EXT1: variants seen among roughly 807,000 people sequenced by gnomAD.
The protein encoded by EXT1 is exostosin-1.
EXT1 carries 20 observed loss-of-function variants against 82.5 expected under a neutral mutation model. The observed-to-expected ratio is 0.24, with a 90% CI of 0.17 to 0.35. The LOEUF is 0.35. EXT1 is among the 10% of genes least tolerant of loss of function. The probability of loss-of-function intolerance (pLI) is 1.00; values close to 1 mark genes in which losing one functional copy is unlikely to be tolerated. For synonymous variants in EXT1, 348 were observed against 350.8 expected (o/e 0.99, Z 0.09); for missense variants, 757 against 936.5 (o/e 0.81, Z 2.50).
At chr8:118,039,230 T>C (rs1369700196) in intron 1 of EXT1, among the ~76,000 whole-genome samples, 1 of 152,104 alleles carries the variant, frequency 6.6e-6, no homozygotes, top group East Asian at 1.9e-4. Context: ...TATTTGCTGA[T>C]TCTTTCTTTT....
At chr8:117,800,678 G>A (rs906718945) in intron 10 of EXT1, among the ~76,000 whole-genome samples, 7 of 152,024 alleles carry the variant, frequency 4.6e-5, no homozygotes, top group Non-Finnish European at 7.4e-5. Context: ...AACCCCCAAA[G>A]GTTACTTTTT....
chr8:117,896,424 A>C (rs1351544815), intron 1 of EXT1, among the ~76,000 whole-genome samples: 3 of 152,216 alleles, frequency 2.0e-5, no homozygotes, highest in South Asian at 4.1e-4. Flanking sequence ...AGCAAAAAAC[A>C]ATGAAGATAA....
chr8:117,813,541 G>A (rs1014046707), intron 7 of EXT1, among the ~76,000 whole-genome samples: 1 of 152,136 alleles, frequency 6.6e-6, no homozygotes, highest in African/African-American at 2.4e-5. Flanking sequence ...CACGGGGAGA[G>A]CAGATCACTG....
intron 1 of EXT1, among the ~76,000 whole-genome samples, chr8:118,075,158 C>G (rs1817183604): frequency 6.6e-6 from 1 of 152,234 alleles, no homozygotes; most frequent in Admixed American, 6.5e-5. Context: ...GCTCTGATTT[C>G]CAGGAGCACC....
At chr8:117,884,866 A>T (rs1334416575) in intron 1 of EXT1, among the ~76,000 whole-genome samples, 1 of 152,240 alleles carries the variant, frequency 6.6e-6, no homozygotes, top group Non-Finnish European at 1.5e-5. Context: ...CTGTAGCAGC[A>T]ACCTGGCTCA....
At chr8:117,957,974 C>A (rs973708235) in intron 1 of EXT1, among the ~76,000 whole-genome samples, 1 of 152,120 alleles carries the variant, frequency 6.6e-6, no homozygotes, top group Non-Finnish European at 1.5e-5. Context: ...CCAACTCAAA[C>A]AATCAGCTCA....
At chr8:117,932,360 G>A (rs17479782) in intron 1 of EXT1, among the ~76,000 whole-genome samples, 3 of 152,236 alleles carry the variant, frequency 2.0e-5, no homozygotes, top group African/African-American at 7.2e-5. Context: ...AATCTGAAAA[G>A]ATATTTTGTT....
chr8:118,060,940 T>C (rs540573624), intron 1 of EXT1, among the ~76,000 whole-genome samples: 7 of 152,216 alleles, frequency 4.6e-5, no homozygotes, highest in Non-Finnish European at 1.0e-4. Flanking sequence ...CATCATGAGA[T>C]GGTGAAACCA....
chr8:117,894,494 A>G (rs1813301841), intron 1 of EXT1, among the ~76,000 whole-genome samples: 1 of 152,218 alleles, frequency 6.6e-6, no homozygotes, highest in African/African-American at 2.4e-5. Context: ...GAATCAGTCC[A>G]AAGAGAAAAC....
At chr8:118,104,383 T>C (rs1817773081) in intron 1 of EXT1, among the ~76,000 whole-genome samples, 1 of 152,222 alleles carries the variant, frequency 6.6e-6, no homozygotes, top group African/African-American at 2.4e-5. Context: ...ACCTGAAGCA[T>C]GTACATGTTC....
chr8:117,809,509 C>T (rs962021967), intron 8 of EXT1, among the ~76,000 whole-genome samples: 7 of 151,440 alleles, frequency 4.6e-5, no homozygotes, highest in South Asian at 2.1e-4. Flanking sequence ...TGGTGTTGCA[C>T]GCCTGTAATT....
intron 1 of EXT1, among the ~76,000 whole-genome samples, chr8:117,927,205 T>C (rs1335511947): frequency 6.6e-6 from 1 of 152,112 alleles, no homozygotes; most frequent in Non-Finnish European, 1.5e-5. Flanking sequence ...TTTCATGAAG[T>C]GCCAACTAGC....
intron 8 of EXT1, 88 bp downstream of exon 8, chr8:117,812,784 G>T: frequency 8.2e-7 from 1 of 1,214,498 alleles, no homozygotes; most frequent in Non-Finnish European, 1.2e-6. Context: ...CTTCTGCCAA[G>T]GCACGGCTAA....
At chr8:117,832,307 C>T (rs550849623) in intron 3 of EXT1, among the ~76,000 whole-genome samples, 31 of 151,990 alleles carry the variant, frequency 2.0e-4, no homozygotes, top group Non-Finnish European at 3.5e-4. Context: ...AGGCGGATCA[C>T]GAGTTCAGGA....
intron 1 of EXT1, among the ~76,000 whole-genome samples, chr8:117,928,358 G>T (rs569346463): frequency 6.6e-6 from 1 of 152,326 alleles, no homozygotes; most frequent in South Asian, 2.1e-4. Flanking sequence ...TGCCTGGCAT[G>T]TAACAAATAT....
intron 1 of EXT1, among the ~76,000 whole-genome samples, chr8:117,959,431 C>T (rs1814653831): frequency 6.6e-6 from 1 of 152,206 alleles, no homozygotes; most frequent in Non-Finnish European, 1.5e-5. Context: ...TATTTGAAGG[C>T]CAGAAGCGTC....
chr8:118,030,371 G>A (rs924443961), intron 1 of EXT1, among the ~76,000 whole-genome samples: 2 of 152,118 alleles, frequency 1.3e-5, no homozygotes, highest in African/African-American at 4.8e-5. Context: ...AGAAAAGTGC[G>A]TACACCATAT....
intron 1 of EXT1, among the ~76,000 whole-genome samples, chr8:118,000,483 T>C (rs1225670465): frequency 6.6e-6 from 1 of 152,218 alleles, no homozygotes; most frequent in African/African-American, 2.4e-5. Flanking sequence ...CCTCTCTGTG[T>C]AAACGAAAGT....
intron 1 of EXT1, among the ~76,000 whole-genome samples, chr8:117,916,526 G>A (rs1813757641): frequency 1.3e-5 from 2 of 152,192 alleles, no homozygotes; most frequent in South Asian, 4.1e-4. Context: ...TACGTAATGA[G>A]AAAGAATAAT....
Sources: gnomAD v4.1 joint callset for allele counts (sites outside exome capture counted in the v4.1 genomes callset) on GRCh38, gnomAD v4.1.1 for gene constraint, MANE v1.5 for transcripts, NCBI Gene and HGNC (gene_info 2026-07-23, HGNC 2026-07-21) for gene names.